Variants in PRKAG2 observed in about 807,000 individuals in gnomAD.
PRKAG2 encodes the protein 5'-AMP-activated protein kinase subunit gamma-2.
A neutral mutation model predicts 69.6 loss-of-function variants in PRKAG2; 26 were observed. The observed-to-expected ratio is 0.37, with a 90% CI of 0.27 to 0.52. PRKAG2 has a LOEUF of 0.52. Among genes scored for constraint, PRKAG2 ranks in the 20% least tolerant of loss-of-function variants. The probability of loss-of-function intolerance (pLI) is 0.90; values close to 1 mark genes in which losing one functional copy is unlikely to be tolerated. For synonymous variants in PRKAG2, 293 were observed against 285.0 expected, an observed-to-expected ratio of 1.03 and a Z score of -0.28; for missense variants, 557 against 740.0, an observed-to-expected ratio of 0.75 and a Z score of 2.87.
At chr7:151,709,740 G>A (rs113259068) in intron 3 of PRKAG2, among the ~76,000 whole-genome samples, 2,974 of 152,338 alleles carry the variant, frequency 0.02, 94 homozygotes, top group African/African-American at 0.069. Context: ...TGAGTGAAGT[G>A]TGAGACATTG....
At chr7:151,616,008 C>T (rs1466434872) in intron 5 of PRKAG2, among the ~76,000 whole-genome samples, 1 of 152,192 alleles carries the variant, frequency 6.6e-6, no homozygotes, top group Non-Finnish European at 1.5e-5. Flanking sequence ...AACTGCTCAC[C>T]CACACCAGCT....
chr7:151,814,875 T>C lies in PRKAG2; in HGVS notation c.115-28334A>G. On this transcript the variant is annotated intron_variant, in intron 1 of 15. Coordinates refer to ENST00000287878, the MANE Select transcript of PRKAG2 (RefSeq NM_016203.4). This position sits in a 1 kb window ranked among gnomAD's most constrained non-coding sequence, Gnocchi z 4.8. ...AGGCGCTGCTGGGGAGGAAACTCCT[T>C]ACCACACAGCAAGCCAGCAGGAGGG... The C allele has an allele frequency of 3.2e-6, 4 of 1,231,728 alleles. No homozygotes were observed. Among genetic ancestry groups the C allele is most frequent in the Non-Finnish European group, 4.0e-6 (4 of 987,990 alleles). The allele number at this position is 1,231,728 out of a possible 1,614,324, so 76.3% of individuals were successfully genotyped here.
At chr7:151,863,775 C>T (rs1255998243) in intron 1 of PRKAG2, among the ~76,000 whole-genome samples, 1 of 152,044 alleles carries the variant, frequency 6.6e-6, no homozygotes, top group Admixed American at 6.5e-5. Flanking sequence ...ATTAGCCGGG[C>T]TTGGTGGCAC....
chr7:151,850,585 G>C lies in PRKAG2; in HGVS notation c.114+25922C>G, dbSNP rs911600486. Reference sequence around the variant, plus strand: ...GCCAAGGAGCCCCGAGCCTGGATTGGAACCCAGATGGACCAATTCCAAAAT... The same window carrying C: ...GCCAAGGAGCCCCGAGCCTGGATTGCAACCCAGATGGACCAATTCCAAAAT... On this transcript the variant is annotated intron_variant, in intron 1 of 15. Transcript: ENST00000287878. This position sits in a 1 kb window ranked among gnomAD's most constrained non-coding sequence, Gnocchi z 4.1. Among the ~76,000 whole-genome samples, 3 of 152,176 alleles carry C rather than the reference G, an allele frequency of 2.0e-5. No homozygotes were observed. The highest frequency in any genetic ancestry group is 1.3e-4 in the Admixed American group (2 of 15,282).
chr7:151,803,063 T>C (rs1485480694), intron 1 of PRKAG2, among the ~76,000 whole-genome samples: 1 of 151,936 alleles, frequency 6.6e-6, no homozygotes, highest in African/African-American at 2.4e-5. Context: ...GTTCAAGTGA[T>C]TCTCCTGCCT....
intron 1 of PRKAG2, among the ~76,000 whole-genome samples, chr7:151,859,360 T>A (rs2079860923): frequency 6.6e-6 from 1 of 152,206 alleles, no homozygotes; most frequent in African/African-American, 2.4e-5. Context: ...CTGTGAGGTC[T>A]GTGGGTGGAG....
Position 151,807,722 on chromosome 7 carries a change from A to G in PRKAG2, c.115-21181T>C. 3 of 402,970 alleles carry G rather than the reference A, an allele frequency of 7.4e-6. No homozygotes were observed. Among genetic ancestry groups the G allele is most frequent in the Non-Finnish European group, 1.5e-5 (3 of 197,982 alleles). The allele number at this position is 402,970 out of a possible 1,614,324, so 25.0% of individuals were successfully genotyped here. ...GGCCCCTCACTTGGGTCAAGGCAGC[A>G]TTTCAGAGGAAGCCAGGAGCGAGAA... is the stretch of plus-strand genomic sequence containing the variant. On this transcript the variant is annotated intron_variant, in intron 1 of 15. Transcript: ENST00000287878. This position sits in a 1 kb window ranked among gnomAD's most constrained non-coding sequence, Gnocchi z 4.4.
At chr7:151,749,872 A>G (rs7779376) in intron 3 of PRKAG2, among the ~76,000 whole-genome samples, 40,186 of 151,128 alleles carry the variant, frequency 0.27, 6,778 homozygotes, top group African/African-American at 0.48. Context: ...CGAGGTGGGC[A>G]GATCACGTGA....
At chr7:151,746,610 C>T (rs2074296320) in intron 3 of PRKAG2, among the ~76,000 whole-genome samples, 1 of 152,248 alleles carries the variant, frequency 6.6e-6, no homozygotes, top group Non-Finnish European at 1.5e-5. Flanking sequence ...CTCTCAGGAG[C>T]TCCACTAGCT....
At chr7:151,716,372 C>G (rs1328489279) in intron 3 of PRKAG2, among the ~76,000 whole-genome samples, 1 of 152,166 alleles carries the variant, frequency 6.6e-6, no homozygotes, top group African/African-American at 2.4e-5. Context: ...TTCAAGCCCC[C>G]TTTGTGACCC....
chr7:151,697,943 C>T (rs537370022), intron 3 of PRKAG2, among the ~76,000 whole-genome samples: 67 of 152,314 alleles, frequency 4.4e-4, no homozygotes, highest in Middle Eastern at 3.4e-3. Flanking sequence ...CATGGGTGCA[C>T]AGGCCAGTGG....
At chr7:151,657,889 G>A (rs1022865047) in intron 4 of PRKAG2, among the ~76,000 whole-genome samples, 1 of 152,192 alleles carries the variant, frequency 6.6e-6, no homozygotes, top group African/African-American at 2.4e-5. Context: ...CAGGTGCAGT[G>A]GCTCATGCCT....
chr7:151,683,156 A>G (rs2151500138), intron 3 of PRKAG2, among the ~76,000 whole-genome samples: 1 of 152,378 alleles, frequency 6.6e-6, no homozygotes, highest in East Asian at 1.9e-4. Context: ...CCTGGCAGCC[A>G]CACAGAACAC....
At chr7:151,656,809 T>C (rs1315229085) in intron 4 of PRKAG2, among the ~76,000 whole-genome samples, 1 of 152,106 alleles carries the variant, frequency 6.6e-6, no homozygotes, top group Non-Finnish European at 1.5e-5. Context: ...TCAAGTAACA[T>C]CGTGGAATTC....
Position 151,756,688 on chromosome 7 carries a change from A to T in PRKAG2, c.466+24464T>A, listed in dbSNP as rs1586315978. Among the ~76,000 whole-genome samples the T allele has an allele frequency of 6.6e-6, 1 of 152,016 alleles. No homozygotes were observed. Among genetic ancestry groups the T allele is most frequent in the East Asian group, 1.9e-4 (1 of 5,162 alleles). On this transcript the variant is annotated intron_variant, in intron 3 of 15. Transcript: ENST00000287878. This position sits in a 1 kb window ranked among gnomAD's most constrained non-coding sequence, Gnocchi z 4.9. The stretch of plus-strand genomic sequence containing the variant: ...TGGTTCCAGCCCCGCCAGGGCTCCC[A>T]GCGCCGCCCTCTTCCCTTCTCCCAC...
intron 4 of PRKAG2, among the ~76,000 whole-genome samples, chr7:151,635,346 C>G (rs1825556413): frequency 6.6e-6 from 1 of 152,188 alleles, no homozygotes; most frequent in Non-Finnish European, 1.5e-5. Context: ...GGGCATTTAT[C>G]CCAGGGAAAT....
intron 8 of PRKAG2, among the ~76,000 whole-genome samples, chr7:151,573,260 T>TA (rs1458846950): frequency 6.7e-6 from 1 of 150,320 alleles, no homozygotes; most frequent in African/African-American, 2.5e-5. Context: ...CAGGCTTAAG[T>TA]AATCCTCTCA....
intron 4 of PRKAG2, among the ~76,000 whole-genome samples, chr7:151,670,924 G>A (rs1234375413): frequency 6.6e-6 from 1 of 152,086 alleles, no homozygotes; most frequent in Non-Finnish European, 1.5e-5. Context: ...TATAATCCCA[G>A]CACTTTGGGA....
chr7:151,809,535 A>C, intron 1 of PRKAG2: 3 of 224,528 alleles, frequency 1.3e-5, no homozygotes, highest in Non-Finnish European at 2.7e-5. Context: ...TCAGATGCAA[A>C]CTCCCCCTCC....
Sources: gnomAD v4.1 joint callset for allele counts (sites outside exome capture counted in the v4.1 genomes callset) on GRCh38, gnomAD v4.1.1 for gene constraint, Gnocchi (gnomAD v3.1) non-coding constraint, MANE v1.5 for transcripts, NCBI Gene and HGNC (gene_info 2026-07-23, HGNC 2026-07-21) for gene names.